FAM184B: variants seen among roughly 807,000 people sequenced by gnomAD.
The protein encoded by FAM184B is protein FAM184B.
A neutral mutation model predicts 135.9 loss-of-function variants in FAM184B; 111 were observed. That is an observed-to-expected ratio of 0.82 (90% CI 0.70 to 0.96). The LOEUF is 0.96. Among genes scored for constraint, FAM184B ranks in the 40% least tolerant of loss-of-function variants. The pLI, the probability that FAM184B is intolerant of heterozygous loss-of-function variation, is 0.00. For missense variants in FAM184B, 1,375 were observed against 1,323.9 expected (o/e 1.04, Z -0.60); for synonymous variants, 552 against 524.8 (o/e 1.05, Z -0.71).
intron 7 of FAM184B, among the ~76,000 whole-genome samples, chr4:17,680,701 T>A (rs1302333553): frequency 6.6e-6 from 1 of 152,120 alleles, no homozygotes; most frequent in Admixed American, 6.5e-5. Flanking sequence ...CACGGAAAAA[T>A]AAATAGATCT....
intron 7 of FAM184B, among the ~76,000 whole-genome samples, chr4:17,680,317 C>A (rs1219264326): frequency 1.3e-5 from 2 of 151,982 alleles, no homozygotes. Flanking sequence ...GTTTTTGAGC[C>A]TGTCTTGTAC....
At chr4:17,674,331 C>G (rs1716262365) in intron 7 of FAM184B, among the ~76,000 whole-genome samples, 1 of 152,090 alleles carries the variant, frequency 6.6e-6, no homozygotes, top group Non-Finnish European at 1.5e-5. Flanking sequence ...TATGTTTACA[C>G]TATACTATAG....
At chr4:17,765,631 C>G (rs1394924585) in intron 1 of FAM184B, among the ~76,000 whole-genome samples, 1 of 152,154 alleles carries the variant, frequency 6.6e-6, no homozygotes, top group Non-Finnish European at 1.5e-5. Flanking sequence ...AACTTTTCAC[C>G]CTCTCTCTGC....
rs1167721274 is a variant in FAM184B at position 17,709,523 on chromosome 4, T to C, written c.263A>G (p.Glu88Gly). The C allele has an allele frequency of 1.3e-6, 2 of 1,550,970 alleles. No homozygotes were observed. Among genetic ancestry groups the C allele is most frequent in the African/African-American group, 2.7e-5 (2 of 73,062 alleles). ...VAETKARLLQ[E>G]QGCAEEEALL... ...GGCTTCCTCCTCTGCGCAGCCCTGT[T>C]CCTGCAGGAGCCTGGCCTTGGTCTC... is the stretch of plus-strand genomic sequence containing the variant. Residue 88 changes from glutamate (E) to glycine (G), a missense_variant, in exon 2 of 18, where the codon GAA becomes GGA. Coordinates refer to ENST00000265018, the MANE Select transcript of FAM184B (RefSeq NM_015688.2).
At chr4:17,652,749 T>C in intron 11 of FAM184B, 81 bp downstream of exon 11, 2 of 1,468,718 alleles carry the variant, frequency 1.4e-6, no homozygotes, top group South Asian at 1.3e-5. Flanking sequence ...CCTGGAGCCC[T>C]GGCCCTCAGC....
rs1442227350 is a variant in FAM184B at position 17,647,622 on chromosome 4, G to A, written c.2346+15C>T. On this transcript the variant is annotated intron_variant, in intron 12 of 17. Transcript: ENST00000265018. ...CTGGGAGGGGTATTGCTGGTGCAAGGGCGGGGGCACTGACCTCTGTGGCGA... is the reference window on the plus strand; with the variant it reads ...CTGGGAGGGGTATTGCTGGTGCAAGAGCGGGGGCACTGACCTCTGTGGCGA... 19 of 1,545,312 alleles carry A rather than the reference G, an allele frequency of 1.2e-5. No homozygotes were observed.
At chr4:17,689,376 C>G (rs1190924105) in intron 6 of FAM184B, among the ~76,000 whole-genome samples, 1 of 152,136 alleles carries the variant, frequency 6.6e-6, no homozygotes, top group Non-Finnish European at 1.5e-5. Flanking sequence ...GAAACTTTGA[C>G]TTTCCTCAAA....
chr4:17,642,424 A>G (rs1038525849), intron 12 of FAM184B, among the ~76,000 whole-genome samples, 196 bp from the exon 13 acceptor site: 1 of 152,076 alleles, frequency 6.6e-6, no homozygotes, highest in African/African-American at 2.4e-5. Flanking sequence ...GAGTTGGCCA[A>G]ATCTGGCCCT....
intron 10 of FAM184B, 147 bp downstream of exon 10, chr4:17,658,203 T>C: frequency 6.3e-6 from 5 of 798,910 alleles, no homozygotes; most frequent in Middle Eastern, 3.5e-4. Flanking sequence ...GCCTCTTTCT[T>C]CATCTGGAAA....
At chr4:17,721,584 C>T (rs570564472) in intron 1 of FAM184B, among the ~76,000 whole-genome samples, 14 of 152,080 alleles carry the variant, frequency 9.2e-5, no homozygotes, top group African/African-American at 3.4e-4. Flanking sequence ...CAAGGGGCGT[C>T]CTCCGGGGCA....
At chr4:17,723,979 A>G (rs2108973809) in intron 1 of FAM184B, among the ~76,000 whole-genome samples, 1 of 152,238 alleles carries the variant, frequency 6.6e-6, no homozygotes, top group East Asian at 1.9e-4. Context: ...TAAACAAGGT[A>G]CAATCTTGTT....
At position 17,636,590 on chromosome 4, in the gene FAM184B, G is replaced by T; in HGVS notation, c.2722C>A (p.Gln908Lys). The change falls in exon 15 of 18, where the codon CAG becomes AAG. Residue 908 changes from glutamine to lysine, a missense_variant. Gln to Lys is a moderately conservative substitution (Grantham distance 53). Coordinates refer to ENST00000265018, the MANE Select transcript of FAM184B (RefSeq NM_015688.2). ...GKGASRPEDL[Q>K]LIGRLQTRLK... ...CGGGTCTGCAGGCGGCCAATGAGCT[G>T]AAGGTCCTCGGGCCTGGACGCTCCC... 6.4e-7 allele frequency: 1 copy of T among 1,551,100 alleles called. No homozygotes were observed.
chr4:17,673,814 T>A lies in FAM184B; in HGVS notation c.1597-9155A>T, dbSNP rs573145794. The stretch of plus-strand genomic sequence containing the variant: ...ATAAAAGACTACAAACTGAGTGCAG[T>A]GTATATTGCTCAGGTGATCGGTGTA... On this transcript the variant is annotated intron_variant, in intron 7 of 17. Coordinates refer to ENST00000265018, the MANE Select transcript of FAM184B (RefSeq NM_015688.2). 6.7e-5 allele frequency among the ~76,000 whole-genome samples: 9 copies of A among 134,628 alleles called. No homozygotes were observed. In the South Asian group the frequency reaches 2.4e-3, roughly 35 times the overall value. The allele number at this position is 134,628 out of a possible 152,430, so 88.3% of individuals were successfully genotyped here.
intron 1 of FAM184B, among the ~76,000 whole-genome samples, chr4:17,725,056 G>A (rs966040413): frequency 1.3e-5 from 2 of 152,120 alleles, no homozygotes; most frequent in Non-Finnish European, 2.9e-5. Flanking sequence ...ACTCACCGCT[G>A]CAGAGCCTGC....
rs923221407 is a variant in FAM184B at position 17,709,650 on chromosome 4, G to A, written c.142-6C>T. 1.1e-5 allele frequency: 17 copies of A among 1,485,796 alleles called. No homozygotes were observed. The highest frequency in any genetic ancestry group is 1.5e-5 in the Non-Finnish European group (17 of 1,118,740). 92.0% of individuals were successfully genotyped at this position (1,485,796 alleles called of 1,614,324 possible). ...GTGTTCAGGGCATAAATCACCTGCA[G>A]GAAAATCAACAGAGCCCAGTTAGGG... is the stretch of plus-strand genomic sequence containing the variant. On this transcript the variant is annotated splice_region_variant and splice_polypyrimidine_tract_variant and intron_variant, in intron 1 of 17. Coordinates refer to ENST00000265018, the MANE Select transcript of FAM184B (RefSeq NM_015688.2).
intron 7 of FAM184B, among the ~76,000 whole-genome samples, chr4:17,665,527 G>A (rs1402276784): frequency 1.3e-5 from 2 of 152,206 alleles, no homozygotes; most frequent in Non-Finnish European, 2.9e-5. Context: ...CCTTGAGCCA[G>A]CTTCTTCCCT....
chr4:17,770,809 T>C (rs1718804956), intron 1 of FAM184B, among the ~76,000 whole-genome samples: 1 of 152,160 alleles, frequency 6.6e-6, no homozygotes, highest in Non-Finnish European at 1.5e-5. Flanking sequence ...CAAGTTTTGT[T>C]TGTTTTCATT....
intron 8 of FAM184B, among the ~76,000 whole-genome samples, chr4:17,661,086 A>G (rs533257210): frequency 6.6e-6 from 1 of 152,188 alleles, no homozygotes; most frequent in African/African-American, 2.4e-5. Context: ...TCCAAATTCC[A>G]GCTCTACAAC....
rs756525573 is a variant in FAM184B, at chr4:17,629,476, G to A, written c.*3056C>T. ...GCAGTTAAGGGCTCAGGTATGTGGT[G>A]TGCAGCCATTGACTGGGTGAATCCA... On this transcript the variant is annotated 3_prime_UTR_variant, in exon 18 of 18. Transcript: ENST00000265018. 5 of 152,232 alleles carry A rather than the reference G, an allele frequency of 3.3e-5. No individual in the cohort carries two copies. Among genetic ancestry groups the A allele is most frequent in the Non-Finnish European group, 5.9e-5 (4 of 68,050 alleles). The allele number at this position is 152,232 out of a possible 1,614,324, so 9.4% of individuals were successfully genotyped here. A position where few individuals can be genotyped will look rare whatever the true frequency, so the allele number is the denominator to read the frequency against.
Sources: allele counts gnomAD v4.1 joint callset (sites outside exome capture counted in the v4.1 genomes callset), GRCh38; gene constraint gnomAD v4.1.1; transcripts MANE v1.5; gene names NCBI Gene and HGNC (gene_info 2026-07-23, HGNC 2026-07-21).